The following SCFD2 variants were observed in gnomAD, a reference collection of about 807,000 sequenced individuals.
The protein encoded by SCFD2 is sec1 family domain-containing protein 2.
SCFD2 carries 54 observed loss-of-function variants against 58.9 expected under a neutral mutation model. The observed-to-expected ratio is 0.92, with a 90% confidence interval of 0.74 to 1.15. SCFD2 has a LOEUF of 1.15. Ranked by LOEUF, SCFD2 falls within the 50% of genes most tolerant of loss-of-function variation. The pLI, the probability that SCFD2 is intolerant of heterozygous loss-of-function variation, is 0.00. For missense variants in SCFD2, 805 were observed against 836.6 expected (o/e 0.96, Z 0.47); for synonymous variants, 321 against 335.9 (o/e 0.96, Z 0.49).
chr4:52,994,506 T>G (rs1467576211), intron 5 of SCFD2, among the ~76,000 whole-genome samples: 1 of 152,204 alleles, frequency 6.6e-6, no homozygotes, highest in East Asian at 1.9e-4. Flanking sequence ...GTGAGAGATC[T>G]GGAGATCATC....
chr4:53,267,173 C>G (rs1261619950), intron 4 of SCFD2, among the ~76,000 whole-genome samples: 2 of 151,922 alleles, frequency 1.3e-5, no homozygotes, highest in Non-Finnish European at 2.9e-5. Context: ...TGATTGAGGC[C>G]TGGTAGAAAG....
At chr4:52,956,515 C>T (rs1234850420) in intron 5 of SCFD2, 1 of 307,360 alleles carries the variant, frequency 3.3e-6, no homozygotes, top group Non-Finnish European at 6.4e-6. Flanking sequence ...TGTCTCTTGT[C>T]TCTTCTCTCT....
At chr4:53,363,135 T>C (rs1216850997) in intron 1 of SCFD2, among the ~76,000 whole-genome samples, 1 of 150,046 alleles carries the variant, frequency 6.7e-6, no homozygotes, top group Non-Finnish European at 1.5e-5. Context: ...ATTCTTTTTT[T>C]CTTTTTTTTT....
intron 5 of SCFD2, among the ~76,000 whole-genome samples, chr4:53,084,297 G>C (rs941011759): frequency 6.6e-6 from 1 of 151,942 alleles, no homozygotes; most frequent in Non-Finnish European, 1.5e-5. Flanking sequence ...TTTCCTACTC[G>C]CATGTCTGTT....
intron 4 of SCFD2, among the ~76,000 whole-genome samples, chr4:53,210,110 T>C (rs1174616619): frequency 2.6e-5 from 4 of 152,154 alleles, no homozygotes; most frequent in African/African-American, 4.8e-5. Context: ...GATATTTTCA[T>C]GATACCTTGA....
chr4:53,246,730 A>G (rs1002016994), intron 4 of SCFD2, among the ~76,000 whole-genome samples: 1 of 152,190 alleles, frequency 6.6e-6, no homozygotes, highest in Non-Finnish European at 1.5e-5. Context: ...TGTAAAACCT[A>G]AAACTATAAA....
At chr4:52,978,287 C>A (rs1167107903) in intron 5 of SCFD2, among the ~76,000 whole-genome samples, 1 of 152,152 alleles carries the variant, frequency 6.6e-6, no homozygotes, top group Non-Finnish European at 1.5e-5. Context: ...GCTCGCAGGT[C>A]TAAACAGAAT....
chr4:53,022,565 A>G (rs1462420025), intron 5 of SCFD2, among the ~76,000 whole-genome samples: 1 of 152,214 alleles, frequency 6.6e-6, no homozygotes, highest in Non-Finnish European at 1.5e-5. Flanking sequence ...AGAATAGTCT[A>G]AGAGAGAAAG....
At chr4:53,159,348 C>T (rs1275755357) in intron 4 of SCFD2, among the ~76,000 whole-genome samples, 1 of 152,162 alleles carries the variant, frequency 6.6e-6, no homozygotes, top group Non-Finnish European at 1.5e-5. Flanking sequence ...TGGAATCCAA[C>T]TCAACGCCAT....
At chr4:53,029,143 T>C (rs1034309865) in intron 5 of SCFD2, among the ~76,000 whole-genome samples, 1 of 152,200 alleles carries the variant, frequency 6.6e-6, no homozygotes, top group African/African-American at 2.4e-5. Flanking sequence ...GGTATGTGTG[T>C]GTATTTAAGA....
intron 5 of SCFD2, among the ~76,000 whole-genome samples, chr4:53,107,916 A>C (rs1430808864): frequency 6.6e-6 from 1 of 152,214 alleles, no homozygotes; most frequent in Non-Finnish European, 1.5e-5. Flanking sequence ...AAATCAACAG[A>C]ATATACCTTC....
At chr4:52,976,311 C>A (rs1178207364) in intron 5 of SCFD2, among the ~76,000 whole-genome samples, 1 of 152,184 alleles carries the variant, frequency 6.6e-6, no homozygotes, top group Non-Finnish European at 1.5e-5. Context: ...ACCTACCTGG[C>A]AGGTGAAATG....
intron 3 of SCFD2, among the ~76,000 whole-genome samples, chr4:53,281,352 T>C (rs1274016725): frequency 2.6e-5 from 4 of 152,176 alleles, no homozygotes; most frequent in African/African-American, 9.7e-5. Flanking sequence ...TGACTCCTAG[T>C]ATGTGATGCA....
intron 2 of SCFD2, among the ~76,000 whole-genome samples, chr4:53,319,098 A>C (rs1732948560): frequency 6.6e-6 from 1 of 152,218 alleles, no homozygotes; most frequent in South Asian, 2.1e-4. Context: ...ATTGTTTTTC[A>C]CTTTTCATGT....
At chr4:53,032,568 T>C (rs568142313) in intron 5 of SCFD2, among the ~76,000 whole-genome samples, 1 of 152,154 alleles carries the variant, frequency 6.6e-6, no homozygotes, top group South Asian at 2.1e-4. Context: ...AAGACACACA[T>C]AAGCTCAAAA....
chr4:53,035,322 A>T (rs1722727938), intron 5 of SCFD2, among the ~76,000 whole-genome samples: 1 of 152,170 alleles, frequency 6.6e-6, no homozygotes, highest in Non-Finnish European at 1.5e-5. Flanking sequence ...GCAAAAATTA[A>T]CTCAAGATGG....
chr4:53,126,251 G>C (rs1034725576), intron 5 of SCFD2, among the ~76,000 whole-genome samples: 1 of 152,186 alleles, frequency 6.6e-6, no homozygotes, highest in African/African-American at 2.4e-5. Context: ...GTTGAAAGGA[G>C]AGGAGAGAAA....
rs76134953 is a variant in SCFD2 at position 52,989,283 on chromosome 4, G to T, written c.1562-68413C>A. Among the ~76,000 whole-genome samples the T allele has an allele frequency of 2.1e-4, 32 of 152,276 alleles. 1 individual carries two copies. In the East Asian group the frequency reaches 6.0e-3, roughly 28 times the overall value. On this transcript the variant is annotated intron_variant, in intron 5 of 8. Transcript: ENST00000401642. ...CCATGTTTGGTGAAATAAAAACCAT[G>T]CTATGCCCATCAATTTCTCCTAAAG... is the stretch of plus-strand genomic sequence containing the variant.
At chr4:52,914,491 T>TCAAG (rs1415410924) in intron 6 of SCFD2, among the ~76,000 whole-genome samples, 4 of 152,234 alleles carry the variant, frequency 2.6e-5, no homozygotes, top group Admixed American at 2.6e-4. Flanking sequence ...GTGGACTGCT[T>TCAAG]CAAGCTTCAT....
Sources: allele counts gnomAD v4.1 joint callset (sites outside exome capture counted in the v4.1 genomes callset), GRCh38; gene constraint gnomAD v4.1.1; transcripts MANE v1.5; gene names NCBI Gene and HGNC (gene_info 2026-07-23, HGNC 2026-07-21).